Variants in STK25 observed in about 807,000 individuals in gnomAD.
The protein encoded by STK25 is serine/threonine-protein kinase 25.
In STK25, 29 loss-of-function variants were observed where a neutral mutation model predicts 53.8. The ratio of observed to expected loss-of-function variants is 0.54; its 90% CI spans 0.40 to 0.74. The LOEUF (loss-of-function observed/expected upper bound fraction) is 0.74. STK25 is among the 30% of genes least tolerant of loss of function. The probability of loss-of-function intolerance (pLI) is 0.00; values close to 1 mark genes in which losing one functional copy is unlikely to be tolerated. For synonymous variants in STK25, 247 were observed against 238.3 expected, an observed-to-expected ratio of 1.04 and a Z score of -0.33; for missense variants, 420 against 568.0, an observed-to-expected ratio of 0.74 and a Z score of 2.65.
rs11555265 is a variant in STK25 at position 241,508,470 on chromosome 2, C to A, written c.-128G>T. The stretch of plus-strand genomic sequence containing the variant: ...CCGCGGGGCTCCATCCCGGCCTCCC[C>A]CGGCCCGCTCTGCAGCGCCCGCGAA... On this transcript the variant is annotated 5_prime_UTR_variant, in exon 1 of 12. Transcript: ENST00000316586. 1 of 1,065,554 alleles carries A rather than the reference C, an allele frequency of 9.4e-7. No homozygotes were observed. Among genetic ancestry groups the A allele is most frequent in the Non-Finnish European group, 1.1e-6 (1 of 878,092 alleles). 66.0% of individuals were successfully genotyped at this position (1,065,554 alleles called of 1,614,324 possible). A position where few individuals can be genotyped will look rare whatever the true frequency, so the allele number is the denominator to read the frequency against.
At position 241,500,785 on chromosome 2, in the gene STK25, T is replaced by C. The variant is rs55907011; in HGVS notation, c.273A>G (p.Leu91=). Residue 91 remains leucine, a synonymous_variant, in exon 4 of 12, where the codon CTA becomes CTG. Coordinates refer to ENST00000316586, the MANE Select transcript of STK25 (RefSeq NM_001271977.2). ...CGCCCAGGTACTCCATGATGATCCATAGCTTGGTGCTCTGGGACCGGAGAC... is the reference window on the plus strand; with the variant it reads ...CGCCCAGGTACTCCATGATGATCCACAGCTTGGTGCTCTGGGACCGGAGAC... ...YFGSYLKSTK[L]WIIMEYLGGG... The C allele has an allele frequency of 4.3e-3, 6,934 of 1,613,846 alleles. 16 individuals are homozygous for C. The highest frequency in any genetic ancestry group is 5.3e-3 in the Non-Finnish European group (6,238 of 1,179,872).
chr2:241,497,075 GTGCTCCTCCCTT>G, intron 10 of STK25: 1 of 157,494 alleles, frequency 6.3e-6, no homozygotes, highest in Non-Finnish European at 1.4e-5. Context: ...TCCCTCGACC[GTGCTCCTCCCTT>G]TGCCGTCCTC....
In STK25 at chr2:241,498,801, G is replaced by C; in HGVS notation, c.772-17C>G. The C allele has an allele frequency of 6.2e-7, 1 of 1,613,350 alleles. No individual in the cohort carries two copies. Among genetic ancestry groups the C allele is most frequent in the South Asian group, 1.1e-5 (1 of 91,050 alleles). On this transcript the variant is annotated splice_polypyrimidine_tract_variant and intron_variant, in intron 7 of 11. Transcript: ENST00000316586. ...CGTGGGCCGCTGCAGGGGGTCAGGG[G>C]AACACTAGTCACTGGGCCCAGCCAA...
intron 5 of STK25, 159 bp downstream of exon 5, chr2:241,500,014 A>G (rs1332406587): frequency 1.4e-6 from 1 of 708,910 alleles, no homozygotes; most frequent in East Asian, 2.7e-5. Flanking sequence ...TCTTCTGGAA[A>G]GGGAGCGAGA....
At chr2:241,502,822 TG>T (rs2065593802) in intron 2 of STK25, among the ~76,000 whole-genome samples, 1 of 151,926 alleles carries the variant, frequency 6.6e-6, no homozygotes, top group Admixed American at 6.6e-5. Flanking sequence ...CCTCCACTCC[TG>T]AAAGTCACGT....
chr2:241,496,404 A>T lies in STK25; in HGVS notation c.1235T>A (p.Val412Glu). The change falls in exon 11 of 12, where the codon GTG becomes GAG. Residue 412 changes from valine (V) to glutamate (E), a missense_variant. Val to Glu is a moderately radical substitution (Grantham distance 121, BLOSUM62 -2). Coordinates refer to ENST00000316586, the MANE Select transcript of STK25 (RefSeq NM_001271977.2). This position sits in a 1 kb window ranked among gnomAD's most constrained non-coding sequence, Gnocchi z 5.8. ...DKLMVHLVER[V>E]QRFSHNRNHL... ...ATGGCACGGCCGCCCTCACCTCTGC[A>T]CTCGCTCCACCAGGTGCACCATCAG... 6.2e-7 allele frequency: 1 copy of T among 1,612,702 alleles called. No individual in the cohort carries two copies.
intron 2 of STK25, among the ~76,000 whole-genome samples, chr2:241,502,607 C>T (rs932234684): frequency 7.9e-5 from 12 of 151,958 alleles, no homozygotes; most frequent in African/African-American, 2.7e-4. Context: ...GGCGAGGTTG[C>T]GTATGCCTGT....
rs887001388 is a variant in STK25 at position 241,496,030 on chromosome 2, G to C, written c.1242-329C>G. Among the ~76,000 whole-genome samples the C allele has an allele frequency of 6.6e-6, 1 of 152,194 alleles. No homozygotes were observed. The highest frequency in any genetic ancestry group is 2.4e-5 in the African/African-American group (1 of 41,446). On this transcript the variant is annotated intron_variant, in intron 11 of 11. Coordinates refer to ENST00000316586, the MANE Select transcript of STK25 (RefSeq NM_001271977.2). The surrounding 1 kb of genome is among the most constrained non-coding windows in gnomAD (Gnocchi z 5.8). ...TGCCCTGTCTCTTTGCTAAGGACTC[G>C]AGTCAGCACAGGGGCAGCTCTGACG...
intron 2 of STK25, among the ~76,000 whole-genome samples, chr2:241,502,783 A>G (rs1217583619): frequency 2.6e-5 from 4 of 152,078 alleles, no homozygotes; most frequent in African/African-American, 9.7e-5. Context: ...TCAAAAACAA[A>G]AAACCTCAGT....
chr2:241,498,172 G>A lies in STK25; in HGVS notation c.1032+63C>T, dbSNP rs572914941. Reference sequence around the variant, plus strand: ...CACTGGGTGGACAAAGCTGGGTCCCGCATCCAGCCCATCCCACGGCCCCAG... The same window carrying A: ...CACTGGGTGGACAAAGCTGGGTCCCACATCCAGCCCATCCCACGGCCCCAG... On this transcript the variant is annotated intron_variant, in intron 9 of 11. Transcript: ENST00000316586. 108 of 1,468,628 alleles carry A rather than the reference G, an allele frequency of 7.4e-5. 2 individuals are homozygous for A. Among genetic ancestry groups the A allele is most frequent in the South Asian group, 5.4e-4 (48 of 88,120 alleles). 91.0% of individuals were successfully genotyped at this position (1,468,628 alleles called of 1,614,324 possible).
chr2:241,501,034 C>T lies in STK25; in HGVS notation c.262-238G>A. The stretch of plus-strand genomic sequence containing the variant: ...ACAGCAGTGGCTGACTCCACTTCAC[C>T]AAGACCCCATCAAAAACCAGGCTGC... On this transcript the variant is annotated intron_variant, in intron 3 of 11. Transcript: ENST00000316586. The surrounding 1 kb of genome is among the most constrained non-coding windows in gnomAD (Gnocchi z 5.3). 1 of 587,456 alleles carries T rather than the reference C, an allele frequency of 1.7e-6. No individual in the cohort carries two copies. Among genetic ancestry groups the T allele is most frequent in the Non-Finnish European group, 3.0e-6 (1 of 329,392 alleles). 36.4% of individuals were successfully genotyped at this position (587,456 alleles called of 1,614,324 possible).
chr2:241,498,184 T>C, intron 9 of STK25, 51 bp downstream of exon 9: 1 of 1,538,542 alleles, frequency 6.5e-7, no homozygotes, highest in Non-Finnish European at 9.0e-7. Context: ...ATCCAGCCCA[T>C]CCCACGGCCC....
intron 5 of STK25, chr2:241,499,926 C>G (rs1440794661): frequency 1.7e-6 from 1 of 605,394 alleles, no homozygotes; most frequent in Admixed American, 2.2e-5. Context: ...ACCAACAACT[C>G]CAGCCAAGTG....
rs143143846 is a variant in STK25, at chr2:241,498,319, G to A, written c.948C>T (p.Gly316=). 2.5e-6 allele frequency: 4 copies of A among 1,604,112 alleles called. No individual in the cohort carries two copies. Among genetic ancestry groups the A allele is most frequent in the Non-Finnish European group, 3.4e-6 (4 of 1,173,036 alleles). Residue 316 remains glycine, a synonymous_variant, in exon 9 of 12, where the codon GGC becomes GGT. Coordinates refer to ENST00000316586, the MANE Select transcript of STK25 (RefSeq NM_001271977.2). ...TGGTAGGGGGGAACGTCCAGATGGG[G>A]CCCTGCTCCCCGTCCTCCGCCTCGC... is the stretch of plus-strand genomic sequence containing the variant. ...IDGEAEDGEQ[G]PIWTFPPTIR...
chr2:241,495,595 A>C lies in STK25; in HGVS notation c.*67T>G, dbSNP rs1045328293. On this transcript the variant is annotated 3_prime_UTR_variant, in exon 12 of 12. Transcript: ENST00000316586. ...AGCACAGGGCACCTTCCAAGTCAGC[A>C]CAGTTCTTATGGAGCTCAGAACAAA... 5 of 1,573,684 alleles carry C rather than the reference A, an allele frequency of 3.2e-6. No individual in the cohort carries two copies. The highest frequency in any genetic ancestry group is 1.7e-5 in the Admixed American group (1 of 59,932).
In STK25 at chr2:241,494,921, G is replaced by T. The variant is rs35382054; in HGVS notation, c.*741C>A. ...AATCCGTCACAGGGAAGTTTCGAAG[G>T]GGGGCTGGGCTGCCGTCTCTGCGTG... On this transcript the variant is annotated 3_prime_UTR_variant, in exon 12 of 12. Transcript: ENST00000316586. The surrounding 1 kb of genome is among the most constrained non-coding windows in gnomAD (Gnocchi z 4.9). 7.9e-5 allele frequency: 12 copies of T among 152,202 alleles called. No individual in the cohort carries two copies. The highest frequency in any genetic ancestry group is 1.9e-4 in the East Asian group (1 of 5,142). 9.4% of individuals were successfully genotyped at this position (152,202 alleles called of 1,614,324 possible).
chr2:241,505,243 T>C (rs917954963), intron 2 of STK25, among the ~76,000 whole-genome samples: 1 of 152,082 alleles, frequency 6.6e-6, no homozygotes, highest in Non-Finnish European at 1.5e-5. Context: ...CCCTGTTTGC[T>C]CAGCCCATCA....
chr2:241,493,259 C>G lies in STK25; in HGVS notation c.*2403G>C. ...ATGGGCATTCCCTGTGGCAACCCAG[C>G]CCCTGGAACCCGTGTCCCTATGCTG... On this transcript the variant is annotated 3_prime_UTR_variant, in exon 12 of 12. Coordinates refer to ENST00000316586, the MANE Select transcript of STK25 (RefSeq NM_001271977.2). 6.2e-7 allele frequency: 1 copy of G among 1,606,500 alleles called. No individual in the cohort carries two copies. The highest frequency in any genetic ancestry group is 8.5e-7 in the Non-Finnish European group (1 of 1,174,936).
At chr2:241,504,869 C>T (rs2065728369) in intron 2 of STK25, among the ~76,000 whole-genome samples, 1 of 152,080 alleles carries the variant, frequency 6.6e-6, no homozygotes, top group Admixed American at 6.5e-5. Context: ...GTTCCTAGCC[C>T]AGTCCTGGAT....
Sources: gnomAD v4.1 joint callset for allele counts (sites outside exome capture counted in the v4.1 genomes callset) on GRCh38, gnomAD v4.1.1 for gene constraint, Gnocchi (gnomAD v3.1) non-coding constraint, MANE v1.5 for transcripts, NCBI Gene and HGNC (gene_info 2026-07-23, HGNC 2026-07-21) for gene names.